The following PTPN3 variants were observed in gnomAD, a reference collection of about 807,000 sequenced individuals.
The protein encoded by PTPN3 is protein tyrosine phosphatase non-receptor type 3, also known as tyrosine-protein phosphatase non-receptor type 3.
Under a neutral mutation model 132.7 loss-of-function variants are expected in PTPN3, and 96 were observed. That is an observed-to-expected ratio of 0.72 (90% CI 0.61 to 0.86). The LOEUF (loss-of-function observed/expected upper bound fraction) is 0.86, where lower values mean the gene tolerates loss of function less well. Ranked by LOEUF, PTPN3 falls within the 40% of genes least tolerant of loss-of-function variation. The probability of loss-of-function intolerance (pLI) is 0.00; values close to 1 mark genes in which losing one functional copy is unlikely to be tolerated. For missense variants in PTPN3, 1,125 were observed against 1,159.6 expected (o/e 0.97, Z 0.43); for synonymous variants, 398 against 429.0 (o/e 0.93, Z 0.89).
At chr9:109,423,984 T>A (rs1012571038) in intron 12 of PTPN3, among the ~76,000 whole-genome samples, 8 of 152,216 alleles carry the variant, frequency 5.3e-5, no homozygotes, top group Non-Finnish European at 1.2e-4. Flanking sequence ...GTTGTCACCC[T>A]GATCAAAATG....
At chr9:109,416,370 C>T (rs1457124952) in intron 14 of PTPN3, among the ~76,000 whole-genome samples, 1 of 152,146 alleles carries the variant, frequency 6.6e-6, no homozygotes, top group Non-Finnish European at 1.5e-5. Context: ...GGAATTCCTA[C>T]ACTGCCGCCA....
chr9:109,494,739 C>T (rs1168016644), intron 1 of PTPN3, among the ~76,000 whole-genome samples: 2 of 152,118 alleles, frequency 1.3e-5, no homozygotes, highest in African/African-American at 4.8e-5. Flanking sequence ...TGGGGACGCA[C>T]ATACACATAT....
chr9:109,492,799 A>G (rs539029946), intron 1 of PTPN3, among the ~76,000 whole-genome samples: 1 of 152,354 alleles, frequency 6.6e-6, no homozygotes, highest in South Asian at 2.1e-4. Flanking sequence ...AACTACTGAA[A>G]CAAATTGCTG....
chr9:109,510,576 A>ATATATATATGT, the PTPN3 span, among the ~76,000 whole-genome samples: 1 of 47,330 alleles, frequency 2.1e-5, no homozygotes, highest in Non-Finnish European at 4.1e-5. Flanking sequence ...AAAAAAAAAA[A>ATATATATATGT]ATATATATAT....
intron 9 of PTPN3, 138 bp downstream of exon 9, chr9:109,436,745 C>A: frequency 7.6e-7 from 1 of 1,321,746 alleles, no homozygotes; most frequent in Non-Finnish European, 9.8e-7. Context: ...TTCAGCATTA[C>A]TTAATAAACC....
At chr9:109,467,003 A>G (rs1391164393) in intron 1 of PTPN3, among the ~76,000 whole-genome samples, 1 of 151,914 alleles carries the variant, frequency 6.6e-6, no homozygotes, top group Non-Finnish European at 1.5e-5. Context: ...AAGGATAGAG[A>G]GTCTGAAATA....
intron 11 of PTPN3, 34 bp from the exon 12 acceptor site, chr9:109,427,156 C>T: frequency 6.2e-7 from 1 of 1,605,996 alleles, no homozygotes; most frequent in Non-Finnish European, 8.5e-7. Context: ...TTCACCCACA[C>T]AGACATAGGA....
rs763387134 is a variant in PTPN3 at position 109,456,721 on chromosome 9, T to C, written c.289+452A>G. ...GGATTCACTCCTGAGAGATAAGCGG[T>C]AGTTTGGAAGACTTAATCTTTTATA... On this transcript the variant is annotated intron_variant, in intron 4 of 25. Transcript: ENST00000374541. 2.0e-5 allele frequency among the ~76,000 whole-genome samples: 3 copies of C among 152,194 alleles called. No individual in the cohort carries two copies. In the East Asian group the frequency reaches 5.8e-4, roughly 29 times the overall value.
rs1838578929 is a variant in PTPN3 at position 109,376,618 on chromosome 9, G to A, written c.*2938C>T. 1 of 152,158 alleles carries A rather than the reference G, an allele frequency of 6.6e-6. No homozygotes were observed. Among genetic ancestry groups the A allele is most frequent in the Non-Finnish European group, 1.5e-5 (1 of 68,022 alleles). 9.4% of individuals were successfully genotyped at this position (152,158 alleles called of 1,614,324 possible). On this transcript the variant is annotated 3_prime_UTR_variant, in exon 26 of 26. Coordinates refer to ENST00000374541, the MANE Select transcript of PTPN3 (RefSeq NM_002829.4). ...TCAACATGTTTAATTAGATCTTTCA[G>A]AAAGTGCCAGAACATAGGATGTAAA...
intron 8 of PTPN3, among the ~76,000 whole-genome samples, chr9:109,437,896 G>A (rs979461136): frequency 6.6e-6 from 1 of 152,184 alleles, no homozygotes; most frequent in Non-Finnish European, 1.5e-5. Context: ...GGACGCAGCA[G>A]CTATCACCCT....
At chr9:109,439,864 G>A (rs1301573187) in intron 7 of PTPN3, among the ~76,000 whole-genome samples, 3 of 151,744 alleles carry the variant, frequency 2.0e-5, no homozygotes, top group African/African-American at 7.3e-5. Flanking sequence ...AACCGAGACT[G>A]AGCCACTGTA....
At chr9:109,472,075 C>G (rs1461915323) in intron 1 of PTPN3, among the ~76,000 whole-genome samples, 2 of 152,230 alleles carry the variant, frequency 1.3e-5, no homozygotes, top group Non-Finnish European at 2.9e-5. Flanking sequence ...CTTCCTAAAT[C>G]ATTGTTGATG....
the PTPN3 span, among the ~76,000 whole-genome samples, chr9:109,528,726 T>C: frequency 1.3e-3 from 203 of 152,258 alleles, no homozygotes; most frequent in African/African-American, 4.7e-3. Flanking sequence ...ATATATATGT[T>C]ATGTCTAAAA....
chr9:109,530,940 T>C, the PTPN3 span, among the ~76,000 whole-genome samples: 1 of 152,238 alleles, frequency 6.6e-6, no homozygotes, highest in Non-Finnish European at 1.5e-5. Flanking sequence ...TTGAGTTTTA[T>C]GGGTTCTCTA....
chr9:109,400,867 C>G (rs991606845), intron 19 of PTPN3, among the ~76,000 whole-genome samples: 4 of 152,176 alleles, frequency 2.6e-5, no homozygotes, highest in African/African-American at 9.7e-5. Context: ...CTTTTCTATG[C>G]CTCTCCTCTG....
At chr9:109,524,136 C>A in the PTPN3 span, among the ~76,000 whole-genome samples, 1 of 152,128 alleles carries the variant, frequency 6.6e-6, no homozygotes, top group East Asian at 1.9e-4. Context: ...CCCAGCTACT[C>A]AGGAGATGGA....
At position 109,391,436 on chromosome 9, in the gene PTPN3, T is replaced by C. The variant is rs374811753; in HGVS notation, c.2044+35A>G. On this transcript the variant is annotated intron_variant, in intron 20 of 25. Transcript: ENST00000374541. ...TAAAAAGGGAAACATTATCTCAGTG[T>C]AGGGGGGAAGGAGGCATTCATGCCG... The C allele has an allele frequency of 1.3e-4, 208 of 1,559,034 alleles. 1 individual carries two copies. Among genetic ancestry groups the C allele is most frequent in the Non-Finnish European group, 1.7e-4 (187 of 1,131,664 alleles).
At chr9:109,411,281 G>A (rs1842058730) in intron 14 of PTPN3, among the ~76,000 whole-genome samples, 1 of 152,190 alleles carries the variant, frequency 6.6e-6, no homozygotes, top group Non-Finnish European at 1.5e-5. Context: ...AGGAGAGGCT[G>A]AGTAACTTGC....
intron 19 of PTPN3, among the ~76,000 whole-genome samples, chr9:109,395,012 C>T (rs566458314): frequency 5.3e-5 from 8 of 151,880 alleles, no homozygotes; most frequent in Admixed American, 1.3e-4. Flanking sequence ...TGGCAGCAGG[C>T]GCCTGTAGTC....
Sources: gnomAD v4.1 joint callset for allele counts (sites outside exome capture counted in the v4.1 genomes callset) on GRCh38, gnomAD v4.1.1 for gene constraint, MANE v1.5 for transcripts, NCBI Gene and HGNC (gene_info 2026-07-23, HGNC 2026-07-21) for gene names.